The following CDYL variants were observed in gnomAD, a reference collection of about 807,000 sequenced individuals.
CDYL encodes the protein chromodomain Y-like protein.
Under a neutral mutation model 47.3 loss-of-function variants are expected in CDYL, and 8 were observed. The ratio of observed to expected loss-of-function variants is 0.17; its 90% CI spans 0.10 to 0.31. The LOEUF is 0.31. Among genes scored for constraint, CDYL ranks in the 10% least tolerant of loss-of-function variants. The probability of loss-of-function intolerance (pLI) is 1.00; values close to 1 mark genes in which losing one functional copy is unlikely to be tolerated. For missense variants in CDYL, 471 were observed against 701.4 expected (o/e 0.67, Z 3.71); for synonymous variants, 266 against 265.0 (o/e 1.00, Z -0.04).
At chr6:4,743,226 G>GA (rs1561833356) in intron 3 of CDYL, among the ~76,000 whole-genome samples, 1 of 152,184 alleles carries the variant, frequency 6.6e-6, no homozygotes, top group Non-Finnish European at 1.5e-5. Flanking sequence ...AGGAACCTAG[G>GA]AAGATGCTCG....
chr6:4,793,469 A>G (rs1033792111), intron 1 of CDYL, among the ~76,000 whole-genome samples: 1 of 152,200 alleles, frequency 6.6e-6, no homozygotes, highest in African/African-American at 2.4e-5. Context: ...AAACCAAGGG[A>G]GAGAATGGCG....
chr6:4,923,026 A>G (rs1757763714), intron 2 of CDYL, among the ~76,000 whole-genome samples: 2 of 152,220 alleles, frequency 1.3e-5, no homozygotes, highest in Admixed American at 6.5e-5. Context: ...ATATATGTGC[A>G]ATATGTAATG....
chr6:4,908,649 G>A (rs371869074), intron 2 of CDYL, among the ~76,000 whole-genome samples: 51 of 152,124 alleles, frequency 3.4e-4, no homozygotes, highest in South Asian at 2.7e-3. Context: ...AAGATCATAC[G>A]TCACCTCTGA....
intron 1 of CDYL, among the ~76,000 whole-genome samples, chr6:4,789,513 C>T (rs1296188292): frequency 6.6e-6 from 1 of 152,170 alleles, no homozygotes; most frequent in African/African-American, 2.4e-5. Flanking sequence ...AGGCATCTCC[C>T]CCACTCCCAG....
chr6:4,772,292 C>A (rs944592841), upstream of CDYL, among the ~76,000 whole-genome samples: 2 of 152,080 alleles, frequency 1.3e-5, no homozygotes, highest in African/African-American at 2.4e-5. Context: ...TGGCTACTGG[C>A]TTCTATATGA....
intron 1 of CDYL, among the ~76,000 whole-genome samples, chr6:4,802,585 T>TGTC (rs1278606987): frequency 6.6e-6 from 1 of 152,192 alleles, no homozygotes; most frequent in East Asian, 1.9e-4. Flanking sequence ...TGAGTGTTTG[T>TGTC]GTGACCTCTT....
intron 1 of CDYL, among the ~76,000 whole-genome samples, chr6:4,809,301 C>T (rs1261413892): frequency 7.9e-5 from 12 of 152,182 alleles, no homozygotes; most frequent in African/African-American, 1.7e-4. Flanking sequence ...GCCACTCCTT[C>T]GTGTGGATGT....
intron 3 of CDYL, among the ~76,000 whole-genome samples, chr6:4,738,372 C>G (rs1757739280): frequency 1.4e-5 from 2 of 143,654 alleles, no homozygotes. Context: ...AAGTGAGACT[C>G]TGTCTCAGAA....
chr6:4,752,309 G>T (rs1484396187), intron 3 of CDYL, among the ~76,000 whole-genome samples: 1 of 152,192 alleles, frequency 6.6e-6, no homozygotes, highest in Non-Finnish European at 1.5e-5. Context: ...CAATGAGGGG[G>T]TTGTGAGTGC....
At chr6:4,860,728 A>G (rs1761145358) in intron 1 of CDYL, among the ~76,000 whole-genome samples, 1 of 151,758 alleles carries the variant, frequency 6.6e-6, no homozygotes, top group Non-Finnish European at 1.5e-5. Context: ...ATGAGAAGCA[A>G]GAAGCCAAGA....
chr6:4,806,395 C>G (rs1421646780), intron 1 of CDYL, among the ~76,000 whole-genome samples: 2 of 152,188 alleles, frequency 1.3e-5, no homozygotes, highest in African/African-American at 4.8e-5. Flanking sequence ...ATCCCCCTAC[C>G]AGAGGATCTT....
At chr6:4,937,523 C>T in intron 3 of CDYL, 42 bp from the exon 4 acceptor site, 4 of 1,453,010 alleles carry the variant, frequency 2.8e-6, no homozygotes. Flanking sequence ...AGATTTTAAA[C>T]CCAAAATATT....
intron 1 of CDYL, chr6:4,890,111 T>C: frequency 1.0e-6 from 1 of 985,228 alleles, no homozygotes. Flanking sequence ...GCTTCTGGAG[T>C]GGACATTGAT....
Position 4,758,724 on chromosome 6 carries a change from A to G in CDYL, c.186+23880A>G, listed in dbSNP as rs146098650. Among the ~76,000 whole-genome samples, 24 of 152,194 alleles carry G rather than the reference A, an allele frequency of 1.6e-4. No homozygotes were observed. The South Asian group carries it at 3.1e-3, about 20-fold the overall frequency. ...TATAAGAGGAAGGAATAAAAACCCT[A>G]TAATTCTAGAGAAAAGTCACAATTG... On this transcript the variant is annotated intron_variant, in intron 3 of 8. Coordinates refer to the CDYL transcript ENST00000328908.
chr6:4,825,163 G>GC (rs1343256279), intron 1 of CDYL, among the ~76,000 whole-genome samples: 1 of 152,174 alleles, frequency 6.6e-6, no homozygotes, highest in African/African-American at 2.4e-5. Context: ...GAATCACCGT[G>GC]CCCCACTAGC....
intron 1 of CDYL, among the ~76,000 whole-genome samples, chr6:4,884,658 A>G (rs1185140726): frequency 6.6e-6 from 1 of 152,228 alleles, no homozygotes; most frequent in African/African-American, 2.4e-5. Flanking sequence ...TCTCCAGGCC[A>G]TAGGTAAGTT....
chr6:4,951,353 A>G (rs944605130), intron 5 of CDYL, among the ~76,000 whole-genome samples: 1 of 151,906 alleles, frequency 6.6e-6, no homozygotes, highest in Non-Finnish European at 1.5e-5. Context: ...ACATGTGTGC[A>G]CCCCTTCCCG....
chr6:4,758,351 A>AAAAAAAATATATATATATATATATAT (rs1554134098), intron 3 of CDYL, among the ~76,000 whole-genome samples: 18 of 129,072 alleles, frequency 1.4e-4, no homozygotes, highest in African/African-American at 5.5e-4. Context: ...AAAATAAATA[A>AAAAAAAATATATATATATATATATAT]ATATATATAT....
Position 4,891,874 on chromosome 6 carries a change from G to A in CDYL, c.186G>A (p.Lys62=), listed in dbSNP as rs1762052122. 1 of 1,614,170 alleles carries A rather than the reference G, an allele frequency of 6.2e-7. No homozygotes were observed. Among genetic ancestry groups the A allele is most frequent in the Non-Finnish European group, 8.5e-7 (1 of 1,180,044 alleles). Residue 62 remains lysine (K), a synonymous_variant, in exon 2 of 7, where the codon AAG becomes AAA. Transcript: ENST00000397588. ...ACTTCAACAGACGCCACACGGAGAA[G>A]CAGAAGGAGAGCACATTGACCAGAA... ...IHDFNRRHTE[K]QKESTLTRTN...
Sources: gnomAD v4.1 joint callset for allele counts (sites outside exome capture counted in the v4.1 genomes callset) on GRCh38, gnomAD v4.1.1 for gene constraint, MANE v1.5 for transcripts, NCBI Gene and HGNC (gene_info 2026-07-23, HGNC 2026-07-21) for gene names.